The following FANCA variants were observed in gnomAD, a reference collection of about 807,000 sequenced individuals.
FANCA encodes the protein Fanconi anemia group A protein.
In FANCA, 236 loss-of-function variants were observed where a neutral mutation model predicts 194.3. The observed-to-expected ratio is 1.21, with a 90% CI of 1.09 to 1.35. The LOEUF is 1.35. Among genes scored for constraint, FANCA ranks in the 40% most tolerant of loss-of-function variants. The pLI is 0.00. For synonymous variants in FANCA, 1,014 were observed against 715.8 expected, an observed-to-expected ratio of 1.42 and a Z score of -6.65; for missense variants, 2,628 against 1,813.9, an observed-to-expected ratio of 1.45 and a Z score of -8.15.
intron 6 of FANCA, 81 bp downstream of exon 6, chr16:89,808,213 T>C: frequency 1.5e-6 from 2 of 1,356,212 alleles, no homozygotes; most frequent in Non-Finnish European, 2.1e-6. Flanking sequence ...ATCAAACCCG[T>C]CTGATTCTGG....
chr16:89,749,850 T>C lies in FANCA; in HGVS notation c.3119A>G (p.His1040Arg). The change falls in exon 32 of 43, where the codon CAC becomes CGC. Residue 1040 changes from histidine to arginine, a missense_variant. Physicochemically the swap from His to Arg is conservative, Grantham distance 29. Coordinates refer to ENST00000389301, the MANE Select transcript of FANCA (RefSeq NM_000135.4). ...GAGGAAGTGCTCCTGGGAAGGGGTGTGGCCGAGAGGCACTATGAGGTCTTG... is the reference window on the plus strand; with the variant it reads ...GAGGAAGTGCTCCTGGGAAGGGGTGCGGCCGAGAGGCACTATGAGGTCTTG... ...LQQDLIVPLGHTPSQEHFLFE... is the reference protein window; with the variant it reads ...LQQDLIVPLGRTPSQEHFLFE... The C allele has an allele frequency of 6.2e-7, 1 of 1,614,184 alleles. No individual in the cohort carries two copies. Among genetic ancestry groups the C allele is most frequent in the Non-Finnish European group, 8.5e-7 (1 of 1,180,024 alleles).
Position 89,737,897 on chromosome 16 carries a change from G to C in FANCA, c.*704C>G. 6.2e-7 allele frequency: 1 copy of C among 1,608,592 alleles called. No individual in the cohort carries two copies. Among genetic ancestry groups the C allele is most frequent in the Non-Finnish European group, 8.5e-7 (1 of 1,179,436 alleles). ...ACCAAATGCGACATTCGGGAGCCAA[G>C]CCTTTGCAGTAAGTGTGAGTCAGGA... is the stretch of plus-strand genomic sequence containing the variant. On this transcript the variant is annotated 3_prime_UTR_variant, in exon 43 of 43. Coordinates refer to ENST00000389301, the MANE Select transcript of FANCA (RefSeq NM_000135.4).
Position 89,802,996 on chromosome 16 carries a change from T to C in FANCA, c.792+263A>G, listed in dbSNP as rs17225957. On this transcript the variant is annotated intron_variant, in intron 8 of 42. Transcript: ENST00000389301. ...GTTCCACAGCAGAGTGAGGCGGCTA[T>C]AGTTAACAACAGATTGTATATTTCA... Among the ~76,000 whole-genome samples the C allele has an allele frequency of 0.014, 2,154 of 152,238 alleles. 44 individuals carry two copies. The highest frequency in any genetic ancestry group is 0.095 in the South Asian group (458 of 4,810).
At chr16:89,740,648 A>G in intron 38 of FANCA, 156 bp downstream of exon 38, 1 of 647,440 alleles carries the variant, frequency 1.5e-6, no homozygotes, top group Non-Finnish European at 2.7e-6. Context: ...AAAAAAAAAA[A>G]AAAAAACCCA....
In FANCA at chr16:89,739,488, C is replaced by T. The variant is rs925649874; in HGVS notation, c.4000G>A (p.Ala1334Thr). Residue 1334 changes from alanine (A) to threonine (T), a missense_variant, in exon 40 of 43, where the codon GCT (alanine) becomes ACT (threonine). Transcript: ENST00000389301. Reference protein sequence around the residue: ...PDQHTRLLPFAFYSLLSYFHE... With the variant: ...PDQHTRLLPFTFYSLLSYFHE... ...TGTGGGTGGAGGTACCTGTAAAAAG[C>T]GAAAGGCAGCAGCCTGGTGTGCTGA... is the stretch of plus-strand genomic sequence containing the variant. The T allele has an allele frequency of 4.1e-5, 64 of 1,551,092 alleles. No individual in the cohort carries two copies. Among genetic ancestry groups the T allele is most frequent in the East Asian group, 3.7e-4 (15 of 40,992 alleles).
chr16:89,780,162 C>T (rs1192647861), intron 17 of FANCA, among the ~76,000 whole-genome samples: 1 of 152,194 alleles, frequency 6.6e-6, no homozygotes, highest in East Asian at 1.9e-4. Context: ...GAGGATGACA[C>T]TGCCACCTCC....
In FANCA at chr16:89,752,175, C is replaced by A. The variant is rs767105291; in HGVS notation, c.3029G>T (p.Gly1010Val). 5.1e-5 allele frequency: 83 copies of A among 1,614,032 alleles called. No individual in the cohort carries two copies. Among genetic ancestry groups the A allele is most frequent in the Non-Finnish European group, 6.9e-5 (82 of 1,180,024 alleles). Residue 1010 changes from glycine (G) to valine (V), a missense_variant, in exon 31 of 43, where the codon GGC (glycine) becomes GTC (valine). Coordinates refer to ENST00000389301, the MANE Select transcript of FANCA (RefSeq NM_000135.4). ...AATAATATCCTCATTTCCTGTGCGG[C>A]CACCAAAGACCAAATCAGAATTTTC... ...HSENSDLVFGGRTGNEDIISR... is the reference protein window; with the variant it reads ...HSENSDLVFGVRTGNEDIISR...
intron 21 of FANCA, among the ~76,000 whole-genome samples, chr16:89,773,670 C>T (rs537923220): frequency 1.2e-4 from 19 of 152,114 alleles, no homozygotes; most frequent in African/African-American, 4.1e-4. Flanking sequence ...ACTCCACCAC[C>T]GTGAGAAGCA....
At chr16:89,792,597 G>T (rs1323463133) in intron 11 of FANCA, 50 bp from the exon 12 acceptor site, 3 of 1,536,244 alleles carry the variant, frequency 2.0e-6, no homozygotes, top group East Asian at 2.6e-5. Context: ...TCAAAAAGTT[G>T]TGGGTTTTTG....
intron 17 of FANCA, among the ~76,000 whole-genome samples, chr16:89,781,964 G>T (rs145479355): frequency 0.038 from 5,310 of 140,972 alleles, 158 homozygotes; most frequent in Middle Eastern, 0.22. Context: ...CCGAGACTGC[G>T]CCACTGCACT....
intron 21 of FANCA, among the ~76,000 whole-genome samples, chr16:89,774,968 C>T (rs2039452269): frequency 6.6e-6 from 1 of 151,840 alleles, no homozygotes; most frequent in African/African-American, 2.4e-5. Context: ...GTAGTGCGTG[C>T]CTATAATCCC....
At chr16:89,803,618 T>C (rs546542799) in intron 7 of FANCA, among the ~76,000 whole-genome samples, 11 of 137,264 alleles carry the variant, frequency 8.0e-5, no homozygotes, top group South Asian at 7.2e-4. Context: ...ATAGTCAGAT[T>C]TTTTTCTTTT....
At position 89,738,201 on chromosome 16, in the gene FANCA, C is replaced by G; in HGVS notation, c.*400G>C. ...AACCACCACCTGGGCCACCGAGCCC[C>G]TCTGTGACCACAGAGGGCCAGGCGG... On this transcript the variant is annotated 3_prime_UTR_variant, in exon 43 of 43. Coordinates refer to ENST00000389301, the MANE Select transcript of FANCA (RefSeq NM_000135.4). The G allele has an allele frequency of 6.2e-7, 1 of 1,611,448 alleles. No individual in the cohort carries two copies. The highest frequency in any genetic ancestry group is 1.1e-5 in the South Asian group (1 of 90,838).
intron 28 of FANCA, among the ~76,000 whole-genome samples, chr16:89,763,664 C>T (rs149859047): frequency 6.6e-6 from 1 of 152,080 alleles, no homozygotes; most frequent in African/African-American, 2.4e-5. Flanking sequence ...AGGGGCCGAG[C>T]GCAGTGGCTC....
Position 89,815,879 on chromosome 16 carries a change from C to G in FANCA, c.187G>C (p.Glu63Gln). Residue 63 changes from glutamate to glutamine, a missense_variant and splice_region_variant, in exon 2 of 43, where the codon GAG (glutamate) becomes CAG (glutamine). Transcript: ENST00000389301. ...GACGGACACCAGCTTCCTCTTACCT[C>G]AAGCAAAAGGGCATTCAGGTCCTGA... ...SHQDLNALLL[E>Q]VEGPLCKKLS... 1 of 1,610,838 alleles carries G rather than the reference C, an allele frequency of 6.2e-7. No homozygotes were observed. Among genetic ancestry groups the G allele is most frequent in the South Asian group, 1.1e-5 (1 of 91,024 alleles).
intron 28 of FANCA, 143 bp downstream of exon 28, chr16:89,764,747 G>C (rs35214437): frequency 6.1e-6 from 6 of 988,650 alleles, no homozygotes; most frequent in Non-Finnish European, 9.7e-6. Flanking sequence ...GAGACAGTCG[G>C]CACACACACA....
intron 33 of FANCA, among the ~76,000 whole-genome samples, chr16:89,748,355 G>T (rs901291325): frequency 1.3e-5 from 2 of 152,322 alleles, no homozygotes; most frequent in East Asian, 3.9e-4. Flanking sequence ...ATGAACCGAG[G>T]TGCGTGGCAC....
At chr16:89,793,054 C>G (rs17232512) in intron 11 of FANCA, among the ~76,000 whole-genome samples, 2,412 of 152,290 alleles carry the variant, frequency 0.016, 43 homozygotes, top group Non-Finnish European at 0.02. Flanking sequence ...CACTGAAGCA[C>G]AGCATCACAG....
chr16:89,795,767 AGG>A, intron 11 of FANCA, 137 bp downstream of exon 11: 1 of 705,636 alleles, frequency 1.4e-6, no homozygotes, highest in Non-Finnish European at 2.6e-6. Context: ...CAGGCATCTG[AGG>A]ACCCAGTCTC....
Sources: allele counts gnomAD v4.1 joint callset (sites outside exome capture counted in the v4.1 genomes callset), GRCh38; gene constraint gnomAD v4.1.1; transcripts MANE v1.5; gene names NCBI Gene and HGNC (gene_info 2026-07-23, HGNC 2026-07-21).